The following RIMBP2 variants were observed in gnomAD, a reference collection of about 807,000 sequenced individuals.
RIMBP2 encodes the protein RIMS binding protein 2, also known as RIMS-binding protein 2.
RIMBP2 carries 48 observed loss-of-function variants against 118.6 expected under a neutral mutation model. The observed-to-expected ratio is 0.40, with a 90% CI of 0.32 to 0.51. RIMBP2 has a LOEUF of 0.51. Among genes scored for constraint, RIMBP2 ranks in the 20% least tolerant of loss-of-function variants. The pLI, the probability that RIMBP2 is intolerant of heterozygous loss-of-function variation, is 0.41. For synonymous variants in RIMBP2, 762 were observed against 742.9 expected, an observed-to-expected ratio of 1.03 and a Z score of -0.42; for missense variants, 1,551 against 1,768.3, an observed-to-expected ratio of 0.88 and a Z score of 2.20.
At chr12:130,713,348 G>A (rs1950102058) in intron 1 of RIMBP2, among the ~76,000 whole-genome samples, 1 of 152,160 alleles carries the variant, frequency 6.6e-6, no homozygotes, top group Non-Finnish European at 1.5e-5. Context: ...AGAGATGCAG[G>A]TGTCCTCAGC....
intron 1 of RIMBP2, among the ~76,000 whole-genome samples, chr12:130,705,331 G>A (rs535741591): frequency 8.5e-5 from 13 of 152,260 alleles, no homozygotes; most frequent in Admixed American, 3.9e-4. Flanking sequence ...GGAGCCTCCC[G>A]GCCAGTCACC....
At chr12:130,561,571 C>A (rs554503254) in intron 2 of RIMBP2, among the ~76,000 whole-genome samples, 1 of 152,210 alleles carries the variant, frequency 6.6e-6, no homozygotes, top group African/African-American at 2.4e-5. Flanking sequence ...GTCCTTCTTG[C>A]GTAATCCGGT....
At chr12:130,675,317 A>G (rs1158458666) in intron 1 of RIMBP2, among the ~76,000 whole-genome samples, 1 of 152,144 alleles carries the variant, frequency 6.6e-6, no homozygotes, top group Non-Finnish European at 1.5e-5. Context: ...GTCCTGCTCC[A>G]CACAGCGCCC....
intron 3 of RIMBP2, among the ~76,000 whole-genome samples, chr12:130,509,726 G>GCCCCCT (rs2050718767): frequency 6.8e-6 from 1 of 148,036 alleles, no homozygotes; most frequent in African/African-American, 2.6e-5. Context: ...CATGCCCTCT[G>GCCCCCT]CCCCCCCGCC....
chr12:130,651,687 A>G (rs1163342860), intron 1 of RIMBP2, among the ~76,000 whole-genome samples: 1 of 152,244 alleles, frequency 6.6e-6, no homozygotes, highest in African/African-American at 2.4e-5. Flanking sequence ...TCAAAGAACC[A>G]GCCCTTTGTG....
intron 2 of RIMBP2, among the ~76,000 whole-genome samples, chr12:130,601,852 T>A (rs1157745858): frequency 6.6e-6 from 1 of 152,222 alleles, no homozygotes; most frequent in Non-Finnish European, 1.5e-5. Flanking sequence ...ATGTTCAGTA[T>A]GCAAATAGGT....
intron 2 of RIMBP2, among the ~76,000 whole-genome samples, chr12:130,595,610 C>T (rs1490784747): frequency 6.6e-6 from 1 of 152,138 alleles, no homozygotes; most frequent in Non-Finnish European, 1.5e-5. Context: ...CTTTAACAAG[C>T]ATCTCTCCTT....
intron 2 of RIMBP2, among the ~76,000 whole-genome samples, chr12:130,602,159 A>G (rs1399977644): frequency 6.6e-6 from 1 of 152,252 alleles, no homozygotes; most frequent in African/African-American, 2.4e-5. Flanking sequence ...AAAAGAAAAA[A>G]GAAATATTTA....
chr12:130,663,110 C>A (rs1224797810), intron 1 of RIMBP2, among the ~76,000 whole-genome samples: 1 of 152,206 alleles, frequency 6.6e-6, no homozygotes, highest in Non-Finnish European at 1.5e-5. Context: ...GCAGGTTCTG[C>A]AGGCAGGAGG....
At chr12:130,583,518 A>G (rs529688426) in intron 2 of RIMBP2, among the ~76,000 whole-genome samples, 29 of 150,912 alleles carry the variant, frequency 1.9e-4, no homozygotes, top group African/African-American at 7.1e-4. Flanking sequence ...CCACCATTAC[A>G]TCATCACTAT....
chr12:130,564,817 C>A (rs1427241384), intron 2 of RIMBP2, among the ~76,000 whole-genome samples: 4 of 152,164 alleles, frequency 2.6e-5, no homozygotes, highest in African/African-American at 7.2e-5. Flanking sequence ...AACCCTGAGC[C>A]TACAGTTAAT....
At chr12:130,591,200 G>A (rs889312519) in intron 2 of RIMBP2, among the ~76,000 whole-genome samples, 3 of 152,200 alleles carry the variant, frequency 2.0e-5, no homozygotes, top group African/African-American at 7.2e-5. Flanking sequence ...TGGACTTGTT[G>A]GTTCTGACAT....
chr12:130,454,531 G>A (rs1221846695), intron 7 of RIMBP2, among the ~76,000 whole-genome samples: 1 of 152,216 alleles, frequency 6.6e-6, no homozygotes, highest in East Asian at 1.9e-4. Context: ...ATGGGCATGG[G>A]CCATGCCAGG....
chr12:130,607,319 G>A (rs1264741836), intron 2 of RIMBP2, among the ~76,000 whole-genome samples: 6 of 152,092 alleles, frequency 3.9e-5, no homozygotes, highest in Admixed American at 1.3e-4. Flanking sequence ...ATGTTTCCAG[G>A]CGGGGAGAAA....
intron 1 of RIMBP2, among the ~76,000 whole-genome samples, chr12:130,673,068 A>C (rs2136464207): frequency 6.6e-6 from 1 of 152,304 alleles, no homozygotes; most frequent in East Asian, 1.9e-4. Context: ...TCTCAAAGGA[A>C]GAACTCCCAC....
In RIMBP2 at chr12:130,443,334, C is replaced by T. The variant is rs138307415; in HGVS notation, c.692-674G>A. Among the ~76,000 whole-genome samples, 464 of 151,922 alleles carry T rather than the reference C, an allele frequency of 3.1e-3. 2 individuals are homozygous for T. The highest frequency in any genetic ancestry group is 0.011 in the African/African-American group (454 of 41,396). ...GTATTTTGTGAAAGTCTAACTTCTA[C>T]GTGCTTTCTTCATTAGTAGGGCTCA... On this transcript the variant is annotated intron_variant, in intron 10 of 22. Transcript: ENST00000690449.
intron 9 of RIMBP2, among the ~76,000 whole-genome samples, chr12:130,448,278 G>A (rs1055126357): frequency 5.9e-5 from 9 of 152,346 alleles, no homozygotes; most frequent in South Asian, 4.1e-4. Flanking sequence ...CACACCAGCC[G>A]TGGGTCAGTC....
intron 7 of RIMBP2, among the ~76,000 whole-genome samples, chr12:130,455,411 C>G (rs1041065832): frequency 1.1e-4 from 17 of 152,232 alleles, no homozygotes; most frequent in African/African-American, 4.1e-4. Context: ...CTGTCTGTCT[C>G]TCAGCGTTGC....
rs188479192 is a variant in RIMBP2 at position 130,478,563 on chromosome 12, T to C, written c.102+349A>G. 1.5e-3 allele frequency among the ~76,000 whole-genome samples: 236 copies of C among 152,322 alleles called. 1 individual carries two copies. The highest frequency in any genetic ancestry group is 2.7e-3 in the Non-Finnish European group (184 of 68,030). On this transcript the variant is annotated intron_variant, in intron 5 of 22. Coordinates refer to ENST00000690449, the MANE Select transcript of RIMBP2 (RefSeq NM_001393629.1). ...CAGGATGGGGGTGGCAGGGTCACCT[T>C]CTGTGTGCCCTTTTAGTTTAAACGG...
Sources: gnomAD v4.1 joint callset for allele counts (sites outside exome capture counted in the v4.1 genomes callset) on GRCh38, gnomAD v4.1.1 for gene constraint, MANE v1.5 for transcripts, NCBI Gene and HGNC (gene_info 2026-07-23, HGNC 2026-07-21) for gene names.